RGS6: variants seen among roughly 807,000 people sequenced by gnomAD.
The protein encoded by RGS6 is regulator of G protein signaling 6.
RGS6 carries 30 observed loss-of-function variants against 78.5 expected under a neutral mutation model. That is an observed-to-expected ratio of 0.38 (90% CI 0.29 to 0.52). The LOEUF (loss-of-function observed/expected upper bound fraction) is 0.52, where lower values mean the gene tolerates loss of function less well. RGS6 is among the 20% of genes least tolerant of loss of function. The pLI is 0.85. For missense variants in RGS6, 495 were observed against 609.7 expected (o/e 0.81, Z 1.98); for synonymous variants, 206 against 206.0 (o/e 1.00, Z 0.00).
At chr14:72,410,987 T>C (rs1045528059) in intron 3 of RGS6, among the ~76,000 whole-genome samples, 1 of 152,250 alleles carries the variant, frequency 6.6e-6, no homozygotes, top group Non-Finnish European at 1.5e-5. Context: ...TAGTATAGTT[T>C]GAAGTCAGGT....
At chr14:71,936,240 T>C (rs2089337191) in intron 1 of RGS6, among the ~76,000 whole-genome samples, 1 of 151,478 alleles carries the variant, frequency 6.6e-6, no homozygotes, top group South Asian at 2.1e-4. Flanking sequence ...ACTAAAGAAA[T>C]TGGAGTCAGA....
chr14:72,352,340 T>C, intron 3 of RGS6, 146 bp downstream of exon 3: 1 of 578,342 alleles, frequency 1.7e-6, no homozygotes, highest in Non-Finnish European at 3.0e-6. Context: ...CCCATCCTAG[T>C]CTTAGTTTCC....
At chr14:72,187,369 C>G (rs774055174) in intron 2 of RGS6, among the ~76,000 whole-genome samples, 2 of 152,166 alleles carry the variant, frequency 1.3e-5, no homozygotes, top group Admixed American at 6.5e-5. Context: ...TGTGCTGATT[C>G]TATTCCTCTA....
upstream of RGS6, among the ~76,000 whole-genome samples, chr14:71,928,537 AAT>A (rs2087752058): frequency 6.6e-6 from 1 of 152,200 alleles, no homozygotes; most frequent in Non-Finnish European, 1.5e-5. Context: ...GCATCGACGC[AAT>A]AGTTTTCTAC....
chr14:71,890,390 G>GAGAGAGAGAA, the RGS6 span, among the ~76,000 whole-genome samples: 1 of 151,988 alleles, frequency 6.6e-6, no homozygotes, highest in Non-Finnish European at 1.5e-5. Context: ...GAGAGAGAGA[G>GAGAGAGAGAA]AGAAATCTTG....
intron 2 of RGS6, among the ~76,000 whole-genome samples, chr14:72,235,887 G>C (rs925805300): frequency 6.6e-6 from 1 of 152,176 alleles, no homozygotes. Flanking sequence ...GTATTAGAAA[G>C]TGAAATTGGT....
chr14:72,390,330 T>A (rs1946678995), intron 3 of RGS6, among the ~76,000 whole-genome samples: 1 of 152,040 alleles, frequency 6.6e-6, no homozygotes, highest in Non-Finnish European at 1.5e-5. Flanking sequence ...ACTCCTGACC[T>A]CAGGTGATCT....
chr14:72,398,917 C>T (rs1381439529), intron 3 of RGS6, among the ~76,000 whole-genome samples: 1 of 151,970 alleles, frequency 6.6e-6, no homozygotes, highest in Non-Finnish European at 1.5e-5. Context: ...GTGTGAGAGA[C>T]AGTTTGTTAT....
At chr14:72,168,653 T>C (rs1037417449) in intron 2 of RGS6, among the ~76,000 whole-genome samples, 2 of 152,240 alleles carry the variant, frequency 1.3e-5, no homozygotes, top group East Asian at 1.9e-4. Flanking sequence ...TTTTTTCTAA[T>C]ATAGCTACTA....
intron 16 of RGS6, chr14:72,537,505 T>G (rs1370221660): frequency 2.8e-6 from 2 of 702,190 alleles, no homozygotes; most frequent in Non-Finnish European, 5.2e-6. Context: ...GTTTCCTGCA[T>G]CCCTCCCCAC....
chr14:72,459,564 C>G, intron 5 of RGS6, 68 bp from the exon 6 acceptor site: 6 of 1,516,720 alleles, frequency 4.0e-6, no homozygotes, highest in Non-Finnish European at 5.5e-6. Flanking sequence ...GGAGGCTCCT[C>G]CCTGGGTGTG....
chr14:71,888,572 C>T, the RGS6 span, among the ~76,000 whole-genome samples: 12 of 152,024 alleles, frequency 7.9e-5, no homozygotes, highest in Non-Finnish European at 1.5e-4. Context: ...GGGTTGGTCA[C>T]ATCTCATGCT....
chr14:71,933,398 C>T (rs1161564715), intron 1 of RGS6: 1 of 137,814 alleles, frequency 7.3e-6, no homozygotes, highest in Non-Finnish European at 1.6e-5. Context: ...CGAGTCTCCG[C>T]GGTGAGGTGT....
At chr14:72,510,105 C>G (rs528448710) in intron 13 of RGS6, 49 bp from the exon 14 acceptor site, 5 of 1,528,038 alleles carry the variant, frequency 3.3e-6, no homozygotes, top group African/African-American at 1.4e-5. Context: ...ATGACACGAG[C>G]TTTTCTCTGG....
rs746842564 is a variant in RGS6, at chr14:72,081,743, T to C, written c.84+116868T>C. ...TGTCTGAGCCTTTTTATGCTAAAAA[T>C]GCAAGTCTATCTTCAACTCAGCAAA... On this transcript the variant is annotated intron_variant, in intron 2 of 17. Coordinates refer to ENST00000553525, the MANE Select transcript of RGS6 (RefSeq NM_001204424.2). 3.3e-5 allele frequency among the ~76,000 whole-genome samples: 5 copies of C among 152,124 alleles called. No homozygotes were observed. The South Asian group carries it at 6.2e-4, about 19-fold the overall frequency.
At chr14:72,577,670 A>T in the RGS6 span, among the ~76,000 whole-genome samples, 5 of 152,158 alleles carry the variant, frequency 3.3e-5, no homozygotes, top group African/African-American at 1.2e-4. Flanking sequence ...AGCTCTGCCT[A>T]CCTATCAGGC....
chr14:72,019,177 A>C (rs969199443), intron 2 of RGS6, among the ~76,000 whole-genome samples: 1 of 152,074 alleles, frequency 6.6e-6, no homozygotes, highest in Non-Finnish European at 1.5e-5. Context: ...GCCCAATCCC[A>C]TGTCAGGGCA....
chr14:72,602,844 C>T, the RGS6 span, among the ~76,000 whole-genome samples: 1 of 152,166 alleles, frequency 6.6e-6, no homozygotes, highest in South Asian at 2.1e-4. Flanking sequence ...GCGTTCCATT[C>T]CCCTCCAAAG....
At chr14:72,479,982 A>G (rs2096335048) in intron 12 of RGS6, among the ~76,000 whole-genome samples, 1 of 152,212 alleles carries the variant, frequency 6.6e-6, no homozygotes, top group Non-Finnish European at 1.5e-5. Context: ...AAGAGCGTAT[A>G]TATGGGAGCA....
Sources: gnomAD v4.1 joint callset for allele counts (sites outside exome capture counted in the v4.1 genomes callset) on GRCh38, gnomAD v4.1.1 for gene constraint, MANE v1.5 for transcripts, NCBI Gene and HGNC (gene_info 2026-07-23, HGNC 2026-07-21) for gene names.